Variants in ARHGAP44 observed in about 807,000 individuals in gnomAD.
ARHGAP44 encodes rho GTPase-activating protein 44.
Under a neutral mutation model 106.8 loss-of-function variants are expected in ARHGAP44, and 43 were observed. The observed-to-expected ratio is 0.40, with a 90% CI of 0.32 to 0.52. The LOEUF (loss-of-function observed/expected upper bound fraction) is 0.52, where lower values mean the gene tolerates loss of function less well. Among genes scored for constraint, ARHGAP44 ranks in the 20% least tolerant of loss-of-function variants. The pLI is 0.48. For missense variants in ARHGAP44, 866 were observed against 1,050.5 expected, an observed-to-expected ratio of 0.82 and a Z score of 2.43; for synonymous variants, 439 against 410.3, an observed-to-expected ratio of 1.07 and a Z score of -0.85.
At chr17:12,908,289 C>T (rs550075700) in intron 3 of ARHGAP44, among the ~76,000 whole-genome samples, 3 of 151,090 alleles carry the variant, frequency 2.0e-5, no homozygotes, top group Non-Finnish European at 2.9e-5. Flanking sequence ...CTCTGCCTCC[C>T]GGGTTCAAGC....
intron 1 of ARHGAP44, among the ~76,000 whole-genome samples, chr17:12,845,506 CAAAAAAA>C (rs748288660): frequency 2.9e-5 from 2 of 67,936 alleles, no homozygotes; most frequent in Non-Finnish European, 6.0e-5. Flanking sequence ...GACTCCGTCT[CAAAAAAA>C]AAAAAAAAAC....
intron 1 of ARHGAP44, among the ~76,000 whole-genome samples, chr17:12,792,158 T>TC (rs1289332312): frequency 6.6e-6 from 1 of 152,182 alleles, no homozygotes; most frequent in Non-Finnish European, 1.5e-5. Flanking sequence ...TTTACTGTTT[T>TC]CCCATTTTTT....
rs2038932982 is a variant in ARHGAP44, at chr17:12,949,098, A to G, written c.862-42A>G. 6.5e-7 allele frequency: 1 copy of G among 1,529,648 alleles called. No individual in the cohort carries two copies. The highest frequency in any genetic ancestry group is 8.9e-7 in the Non-Finnish European group (1 of 1,128,760). The allele number at this position is 1,529,648 out of a possible 1,614,324, so 94.8% of individuals were successfully genotyped here. ...CGGGGTCTCTGCGCTTTGATGTTGT[A>G]CCTTGGAGTTGCTGTGCGCTGACCC... On this transcript the variant is annotated intron_variant, in intron 10 of 20. Transcript: ENST00000379672. The surrounding 1 kb of genome is among the most constrained non-coding windows in gnomAD (Gnocchi z 4.1).
intron 1 of ARHGAP44, among the ~76,000 whole-genome samples, chr17:12,891,987 G>GGTTTGA (rs11282664): frequency 6.6e-6 from 1 of 151,204 alleles, no homozygotes; most frequent in South Asian, 2.1e-4. Context: ...AGCAGAGATG[G>GGTTTGA]CCATGTTGGC....
At position 12,817,778 on chromosome 17, in the gene ARHGAP44, C is replaced by T. The variant is rs116682784; in HGVS notation, c.53+27887C>T. 5.0e-3 allele frequency among the ~76,000 whole-genome samples: 753 copies of T among 151,984 alleles called. 6 individuals are homozygous for T. Among genetic ancestry groups the T allele is most frequent in the African/African-American group, 0.017 (694 of 41,518 alleles). On this transcript the variant is annotated intron_variant, in intron 1 of 20. Coordinates refer to ENST00000379672, the MANE Select transcript of ARHGAP44 (RefSeq NM_014859.6). ...AATTGGACAATTTGAGTAAAATATA[C>T]CAACTCCTTGAAAACCGCAAATTAC... is the stretch of plus-strand genomic sequence containing the variant.
intron 7 of ARHGAP44, among the ~76,000 whole-genome samples, chr17:12,930,884 C>G (rs2038378724): frequency 6.6e-6 from 1 of 152,164 alleles, no homozygotes; most frequent in Admixed American, 6.6e-5. Context: ...AACCTCCCCA[C>G]CAATATTTGT....
At chr17:12,929,260 T>G in intron 7 of ARHGAP44, 1 of 445,380 alleles carries the variant, frequency 2.2e-6, no homozygotes, top group Non-Finnish European at 4.2e-6. Context: ...CAGCATTCAT[T>G]TATCATTGGT....
chr17:12,835,467 C>T (rs2035210224), intron 1 of ARHGAP44, among the ~76,000 whole-genome samples: 1 of 152,232 alleles, frequency 6.6e-6, no homozygotes, highest in Non-Finnish European at 1.5e-5. Context: ...GAAAATTAGA[C>T]TCCTCAGTTG....
At chr17:12,961,770 G>A (rs1433223807) in intron 16 of ARHGAP44, among the ~76,000 whole-genome samples, 1 of 152,138 alleles carries the variant, frequency 6.6e-6, no homozygotes, top group Non-Finnish European at 1.5e-5. Context: ...AGGTCTTACC[G>A]GTTTAGGGTG....
intron 7 of ARHGAP44, among the ~76,000 whole-genome samples, chr17:12,935,650 G>A (rs528365662): frequency 1.3e-5 from 2 of 152,032 alleles, no homozygotes; most frequent in South Asian, 4.2e-4. Context: ...CAAGTAAAGT[G>A]GAAAGGGAAC....
At chr17:12,870,410 C>T (rs1567659694) in intron 1 of ARHGAP44, among the ~76,000 whole-genome samples, 1 of 152,094 alleles carries the variant, frequency 6.6e-6, no homozygotes. Flanking sequence ...TGCCAGATTG[C>T]CCTCAAGAAA....
In ARHGAP44 at chr17:12,952,562, G is replaced by T; in HGVS notation, c.1117G>T (p.Ala373Ser). 1 of 1,574,636 alleles carries T rather than the reference G, an allele frequency of 6.4e-7. No individual in the cohort carries two copies. The highest frequency in any genetic ancestry group is 2.3e-5 in the East Asian group (1 of 43,108). Residue 373 changes from alanine to serine, a missense_variant, in exon 13 of 21, where the codon GCC becomes TCC. By Grantham distance (99) the Ala-to-Ser change is moderately conservative (BLOSUM62 1). Around this residue, in one of 2 missense-constraint regions of ARHGAP44, gnomAD observed 448 missense variants for 646.9 expected, o/e 0.69. Coordinates refer to ENST00000379672, the MANE Select transcript of ARHGAP44 (RefSeq NM_014859.6). Reference protein sequence around the residue: ...LWNACEKLPKANHNNIRYLIK... With the variant: ...LWNACEKLPKSNHNNIRYLIK... The stretch of plus-strand genomic sequence containing the variant: ...GAATGCTTGTGAAAAGTTGCCCAAG[G>T]CCAATCACAACAACATCCGGTAAGT...
rs1402803529 is a variant in ARHGAP44 at position 12,958,993 on chromosome 17, G to A, written c.1523+96G>A. On this transcript the variant is annotated intron_variant, in intron 16 of 20. Transcript: ENST00000379672. This position sits in a 1 kb window ranked among gnomAD's most constrained non-coding sequence, Gnocchi z 4.1. Reference sequence around the variant, plus strand: ...AGAAAAATACAATTACGGGAAGGCTGCACTGACTCTCAGCAGTTTAGGTGA... The same window carrying A: ...AGAAAAATACAATTACGGGAAGGCTACACTGACTCTCAGCAGTTTAGGTGA... 6 of 1,374,096 alleles carry A rather than the reference G, an allele frequency of 4.4e-6. No individual in the cohort carries two copies. The highest frequency in any genetic ancestry group is 5.0e-6 in the Non-Finnish European group (5 of 996,518). 85.1% of individuals were successfully genotyped at this position (1,374,096 alleles called of 1,614,324 possible).
At chr17:12,841,633 C>A (rs775339320) in intron 1 of ARHGAP44, among the ~76,000 whole-genome samples, 40 of 102,778 alleles carry the variant, frequency 3.9e-4, no homozygotes, top group African/African-American at 1.2e-3. Context: ...CACACACACA[C>A]ACACACAAAC....
At chr17:12,852,715 G>T (rs576840878) in intron 1 of ARHGAP44, among the ~76,000 whole-genome samples, 2 of 151,690 alleles carry the variant, frequency 1.3e-5, no homozygotes, top group African/African-American at 2.4e-5. Context: ...CTAATTTTTC[G>T]TATTTTTAGT....
At chr17:12,828,888 A>G (rs2035006560) in intron 1 of ARHGAP44, among the ~76,000 whole-genome samples, 2 of 151,516 alleles carry the variant, frequency 1.3e-5, no homozygotes, top group Admixed American at 1.3e-4. Context: ...TGATCCGCCC[A>G]CCTCGGCCTC....
rs1453846100 is a variant in ARHGAP44, at chr17:12,850,189, A to G, written c.54-44751A>G. ...TCCAACCAGCTCCATTTAATAGACA[A>G]GGATGTGAAAGTGTAGACTGATGAA... On this transcript the variant is annotated intron_variant, in intron 1 of 20. Transcript: ENST00000379672. Among the ~76,000 whole-genome samples the G allele has an allele frequency of 2.0e-5, 3 of 152,202 alleles. No individual in the cohort carries two copies. In the East Asian group the frequency reaches 5.8e-4, roughly 29 times the overall value.
chr17:12,887,142 A>T (rs1567669065), intron 1 of ARHGAP44, among the ~76,000 whole-genome samples: 1 of 152,056 alleles, frequency 6.6e-6, no homozygotes, highest in Non-Finnish European at 1.5e-5. Flanking sequence ...AATAAATCCC[A>T]CTTGGTTTGT....
At chr17:12,894,476 T>G (rs1365974077) in intron 1 of ARHGAP44, among the ~76,000 whole-genome samples, 1 of 152,138 alleles carries the variant, frequency 6.6e-6, no homozygotes, top group African/African-American at 2.4e-5. Context: ...CCCTCCACTT[T>G]CTTGTGGACA....
Sources: allele counts gnomAD v4.1 joint callset (sites outside exome capture counted in the v4.1 genomes callset), GRCh38; gene constraint gnomAD v4.1.1; regional missense constraint gnomAD v4.1.1; non-coding constraint Gnocchi (gnomAD v3.1); transcripts MANE v1.5; gene names NCBI Gene and HGNC (gene_info 2026-07-23, HGNC 2026-07-21).